The following DPF2 variants were observed in gnomAD, a reference collection of about 807,000 sequenced individuals.
DPF2 encodes the protein zinc finger protein ubi-d4.
Under a neutral mutation model 59.6 loss-of-function variants are expected in DPF2, and 10 were observed. The ratio of observed to expected loss-of-function variants is 0.17; its 90% CI spans 0.10 to 0.28. The LOEUF (loss-of-function observed/expected upper bound fraction) is 0.28. Among genes scored for constraint, DPF2 ranks in the 10% least tolerant of loss-of-function variants. The pLI is 1.00. For synonymous variants in DPF2, 189 were observed against 190.6 expected, an observed-to-expected ratio of 0.99 and a Z score of 0.07; for missense variants, 315 against 509.4, an observed-to-expected ratio of 0.62 and a Z score of 3.67.
Position 65,340,560 on chromosome 11 carries a change from T to C in DPF2, c.193+15T>C, listed in dbSNP as rs1297801737. 7.4e-6 allele frequency: 12 copies of C among 1,613,704 alleles called. No individual in the cohort carries two copies. Among genetic ancestry groups the C allele is most frequent in the Non-Finnish European group, 1.0e-5 (12 of 1,179,742 alleles). On this transcript the variant is annotated intron_variant, in intron 2 of 10. Transcript: ENST00000528416. ...CCGGGGTCCAGGTGAGGGTCCAGAC[T>C]TGGGAGAAGGGGACTCAGGAGCATA...
At chr11:65,349,652 C>T (rs1172256327) in intron 10 of DPF2, among the ~76,000 whole-genome samples, 2 of 152,092 alleles carry the variant, frequency 1.3e-5, no homozygotes, top group Admixed American at 6.5e-5. Flanking sequence ...AAAAATTAGC[C>T]GGCTGTGGTG....
At chr11:65,342,004 A>G (rs1454231346) in intron 4 of DPF2, 1 of 157,062 alleles carries the variant, frequency 6.4e-6, no homozygotes, top group Non-Finnish European at 1.4e-5. Context: ...CTGTTGTCCC[A>G]GCTACTAGGG....
chr11:65,345,917 T>C lies in DPF2; in HGVS notation c.776-13T>C. 1 of 1,614,010 alleles carries C rather than the reference T, an allele frequency of 6.2e-7. No individual in the cohort carries two copies. The highest frequency in any genetic ancestry group is 8.5e-7 in the Non-Finnish European group (1 of 1,179,932). Reference sequence around the variant, plus strand: ...ACCCCCATGGGTGTCATCAAAACTCTTTCTCTCTGTAGCCAAAAAGGGTCC... The same window carrying C: ...ACCCCCATGGGTGTCATCAAAACTCCTTCTCTCTGTAGCCAAAAAGGGTCC... On this transcript the variant is annotated splice_polypyrimidine_tract_variant and intron_variant, in intron 7 of 10. Transcript: ENST00000528416.
chr11:65,336,660 G>A (rs1270320127), intron 1 of DPF2, among the ~76,000 whole-genome samples: 1 of 150,928 alleles, frequency 6.6e-6, no homozygotes, highest in Non-Finnish European at 1.5e-5. Context: ...ATGGTGGCGT[G>A]TGTCTGTAAT....
At position 65,339,746 on chromosome 11, in the gene DPF2, A is replaced by G. The variant is rs577574620; in HGVS notation, c.33-639A>G. 5.3e-5 allele frequency among the ~76,000 whole-genome samples: 8 copies of G among 152,314 alleles called. No individual in the cohort carries two copies. The South Asian group carries it at 1.7e-3, about 32-fold the overall frequency. On this transcript the variant is annotated intron_variant, in intron 1 of 10. Transcript: ENST00000528416. ...ATTTTGTTACATAAATGATAGTTTT[A>G]TTTGACGCTTCTCAGCAGTGTACCT...
intron 6 of DPF2, chr11:65,345,277 T>C (rs150256628): frequency 2.8e-4 from 56 of 199,788 alleles, no homozygotes; most frequent in African/African-American, 6.0e-4. Context: ...TGGAGTCTTA[T>C]CCACTTTTCC....
intron 1 of DPF2, 123 bp from the exon 2 acceptor site, chr11:65,340,262 C>CG (rs1854323206): frequency 1.7e-6 from 2 of 1,145,436 alleles, no homozygotes; most frequent in Non-Finnish European, 2.4e-6. Flanking sequence ...GCAAATAGAA[C>CG]GGAAGAGACA....
At chr11:65,341,758 A>G (rs953132844) in intron 4 of DPF2, 196 bp downstream of exon 4, 64 of 651,734 alleles carry the variant, frequency 9.8e-5, no homozygotes, top group Admixed American at 2.7e-4. Context: ...ATAGACTCTC[A>G]TTCATTCACT....
intron 1 of DPF2, among the ~76,000 whole-genome samples, chr11:65,337,490 TATATATATATATATAGAGAGAGAG>T (rs1159414385): frequency 3.0e-5 from 2 of 67,038 alleles, no homozygotes; most frequent in South Asian, 5.7e-4. Flanking sequence ...TATATATATA[TATATATATATATATAGAGAGAGAG>T]AGAGAGAGAG....
At chr11:65,345,568 T>G in intron 6 of DPF2, 98 bp from the exon 7 acceptor site, 1 of 1,530,050 alleles carries the variant, frequency 6.5e-7, no homozygotes, top group Non-Finnish European at 8.9e-7. Flanking sequence ...AAGGGATGGT[T>G]GCCCTCTGCC....
chr11:65,353,058 T>G lies in DPF2; in HGVS notation c.*1299T>G, dbSNP rs1228996412. 9 of 144,692 alleles carry G rather than the reference T, an allele frequency of 6.2e-5. No individual in the cohort carries two copies. Among genetic ancestry groups the G allele is most frequent in the Non-Finnish European group, 1.5e-5 (1 of 65,912 alleles). 9.0% of individuals were successfully genotyped at this position (144,692 alleles called of 1,614,324 possible). On this transcript the variant is annotated 3_prime_UTR_variant, in exon 11 of 11. Transcript: ENST00000528416. The stretch of plus-strand genomic sequence containing the variant: ...CATCCTAAGATTTCCATGATGGTGG[T>G]TTTTTTTTTTAATGTTTTGAAATAC...
In DPF2 at chr11:65,351,833, T is replaced by A; in HGVS notation, c.*74T>A. ...CCACTTCATATTTCATACCCATCTT[T>A]CCCTTCTTCCTCCTCTCCTTCACAA... On this transcript the variant is annotated 3_prime_UTR_variant, in exon 11 of 11. Transcript: ENST00000528416. 6.7e-7 allele frequency: 1 copy of A among 1,493,266 alleles called. No individual in the cohort carries two copies. The highest frequency in any genetic ancestry group is 9.3e-7 in the Non-Finnish European group (1 of 1,075,360). 92.5% of individuals were successfully genotyped at this position (1,493,266 alleles called of 1,614,324 possible).
chr11:65,344,604 C>T (rs1324111732), intron 6 of DPF2: 5 of 1,535,932 alleles, frequency 3.3e-6, no homozygotes, highest in Admixed American at 2.0e-5. Flanking sequence ...AAGCATACCT[C>T]GAAAGCGCCC....
At position 65,345,966 on chromosome 11, in the gene DPF2, A is replaced by G; in HGVS notation, c.812A>G (p.Asn271Ser). 1 of 1,614,188 alleles carries G rather than the reference A, an allele frequency of 6.2e-7. No homozygotes were observed. Among genetic ancestry groups the G allele is most frequent in the Middle Eastern group, 1.6e-4 (1 of 6,062 alleles). The change falls in exon 8 of 11, where the codon AAC (asparagine) becomes AGC (serine). Residue 271 changes from asparagine (N) to serine (S), a missense_variant. Physicochemically the swap from Asn to Ser is conservative, Grantham distance 46. Coordinates refer to ENST00000528416, the MANE Select transcript of DPF2 (RefSeq NM_006268.5). ...CCTGATGGATTGGCCTTGCCCAACA[A>G]CTACTGTGACTTCTGCCTGGGGGAC... ...KGPDGLALPN[N>S]YCDFCLGDSK...
At chr11:65,340,696 G>A in intron 2 of DPF2, 151 bp downstream of exon 2, 1 of 1,166,174 alleles carries the variant, frequency 8.6e-7, no homozygotes, top group Non-Finnish European at 1.2e-6. Context: ...ACCCAGGGAG[G>A]ATGAAGCAGA....
intron 2 of DPF2, 134 bp from the exon 3 acceptor site, chr11:65,340,832 C>G: frequency 5.4e-6 from 5 of 919,818 alleles, no homozygotes; most frequent in Non-Finnish European, 6.4e-6. Context: ...TTCCACCTAA[C>G]CCCCTAGGCC....
intron 1 of DPF2, among the ~76,000 whole-genome samples, chr11:65,335,697 A>G (rs1950085671): frequency 6.6e-6 from 1 of 152,206 alleles, no homozygotes; most frequent in South Asian, 2.1e-4. Flanking sequence ...AGGGGCTTCT[A>G]TTCTTCCAGT....
In DPF2 at chr11:65,348,841, C is replaced by G. The variant is rs761354272; in HGVS notation, c.1018-9C>G. 6.8e-6 allele frequency: 11 copies of G among 1,614,120 alleles called. No individual in the cohort carries two copies. In the South Asian group the frequency reaches 1.2e-4, roughly 18 times the overall value. On this transcript the variant is annotated splice_polypyrimidine_tract_variant and intron_variant, in intron 9 of 10. Transcript: ENST00000528416. The stretch of plus-strand genomic sequence containing the variant: ...CAGTCCCCATCCTCTTCCCTCTTGC[C>G]TACTTCAGGACCAGTTGCTCTTCTG...
intron 1 of DPF2, among the ~76,000 whole-genome samples, chr11:65,336,916 C>T (rs528272911): frequency 4.0e-5 from 6 of 151,124 alleles, no homozygotes; most frequent in South Asian, 2.1e-4. Flanking sequence ...TGGTGAAACC[C>T]GTCTCTAGTA....
Sources: gnomAD v4.1 joint callset for allele counts (sites outside exome capture counted in the v4.1 genomes callset) on GRCh38, gnomAD v4.1.1 for gene constraint, MANE v1.5 for transcripts, NCBI Gene and HGNC (gene_info 2026-07-23, HGNC 2026-07-21) for gene names.